Variants in DISC1 observed in about 807,000 individuals in gnomAD.
DISC1 encodes the protein DISC1 scaffold protein, also known as disrupted in schizophrenia 1 protein.
DISC1 carries 57 observed loss-of-function variants against 84.5 expected under a neutral mutation model. The observed-to-expected ratio is 0.67, with a 90% confidence interval of 0.55 to 0.84. The LOEUF (loss-of-function observed/expected upper bound fraction) is 0.84. DISC1 is among the 40% of genes least tolerant of loss of function. The pLI, the probability that DISC1 is intolerant of heterozygous loss-of-function variation, is 0.00. For synonymous variants in DISC1, 411 were observed against 415.2 expected (o/e 0.99, Z 0.12); for missense variants, 1,000 against 1,057.8 (o/e 0.95, Z 0.76).
At chr1:231,721,496 G>T (rs1012519655) in intron 3 of DISC1, among the ~76,000 whole-genome samples, 1 of 152,140 alleles carries the variant, frequency 6.6e-6, no homozygotes, top group Non-Finnish European at 1.5e-5. Context: ...TGTATCAAAA[G>T]ATATAAATCT....
intron 1 of DISC1, among the ~76,000 whole-genome samples, chr1:231,633,066 G>A (rs529380236): frequency 4.8e-4 from 73 of 152,180 alleles, no homozygotes; most frequent in Admixed American, 2.7e-3. Flanking sequence ...GAGAGACTCC[G>A]TCAAAAAAAC....
chr1:231,705,291 C>CAAAA (rs35677987), intron 3 of DISC1, among the ~76,000 whole-genome samples: 27 of 10,952 alleles, frequency 2.5e-3, no homozygotes, highest in Admixed American at 8.4e-3. Flanking sequence ...GACTCCATCT[C>CAAAA]AAAAAAAAAA....
chr1:231,832,392 T>G (rs186749806), intron 9 of DISC1, among the ~76,000 whole-genome samples: 5 of 149,168 alleles, frequency 3.4e-5, no homozygotes, highest in Admixed American at 6.7e-5. Context: ...AATTCTGACC[T>G]CACTAACCAT....
intron 9 of DISC1, among the ~76,000 whole-genome samples, chr1:231,861,540 G>A (rs1404804315): frequency 6.8e-6 from 1 of 147,902 alleles, no homozygotes; most frequent in Non-Finnish European, 1.5e-5. Flanking sequence ...TTTTCTCAGA[G>A]CCTAATTATT....
At chr1:231,731,928 C>G (rs1299243387) in intron 3 of DISC1, among the ~76,000 whole-genome samples, 4 of 152,228 alleles carry the variant, frequency 2.6e-5, no homozygotes, top group African/African-American at 9.6e-5. Context: ...TTCACTGTCT[C>G]TTTCACTGTC....
intron 6 of DISC1, among the ~76,000 whole-genome samples, chr1:231,779,887 T>C (rs1226826732): frequency 2.0e-5 from 3 of 152,140 alleles, no homozygotes; most frequent in Admixed American, 1.3e-4. Context: ...TAAATTCCTG[T>C]CTTACCTGTC....
intron 4 of DISC1, among the ~76,000 whole-genome samples, chr1:231,760,080 G>A (rs1234704459): frequency 6.6e-6 from 1 of 152,130 alleles, no homozygotes; most frequent in East Asian, 1.9e-4. Context: ...TTGCCGGGTG[G>A]TCATTTCTAT....
At chr1:232,019,569 CT>C (rs548550472) in intron 11 of DISC1, among the ~76,000 whole-genome samples, 58 of 152,204 alleles carry the variant, frequency 3.8e-4, no homozygotes, top group African/African-American at 1.4e-3. Flanking sequence ...CAGGCTTTCT[CT>C]TTTTTGTCAC....
At chr1:231,774,914 G>A (rs1349854621) in intron 6 of DISC1, 1 of 370,750 alleles carries the variant, frequency 2.7e-6, no homozygotes, top group Non-Finnish European at 5.4e-6. Flanking sequence ...TTTAGAAAAT[G>A]CTGACTTAGG....
intron 6 of DISC1, among the ~76,000 whole-genome samples, chr1:231,793,015 TA>T: frequency 1.3e-5 from 2 of 152,312 alleles, no homozygotes; most frequent in Admixed American, 1.3e-4. Flanking sequence ...AAAGTAGGTC[TA>T]AAGTGGTAAT....
intron 6 of DISC1, among the ~76,000 whole-genome samples, chr1:231,794,622 A>G (rs1043627159): frequency 1.3e-5 from 2 of 152,206 alleles, no homozygotes; most frequent in African/African-American, 4.8e-5. Flanking sequence ...AGGAGTGGAC[A>G]CAACAGACAG....
At chr1:232,006,489 C>T (rs1468637293) in intron 10 of DISC1, among the ~76,000 whole-genome samples, 6 of 151,952 alleles carry the variant, frequency 3.9e-5, no homozygotes, top group Non-Finnish European at 7.4e-5. Flanking sequence ...CTAGAGATCT[C>T]GGGAACTTTG....
At chr1:232,021,356 AC>A (rs1668940384) in intron 11 of DISC1, among the ~76,000 whole-genome samples, 2 of 150,368 alleles carry the variant, frequency 1.3e-5, no homozygotes, top group Admixed American at 1.3e-4. Context: ...ACACACACAC[AC>A]ACACACACAC....
intron 9 of DISC1, among the ~76,000 whole-genome samples, chr1:231,951,137 G>T (rs1225219253): frequency 6.6e-6 from 1 of 152,154 alleles, no homozygotes; most frequent in Non-Finnish European, 1.5e-5. Context: ...CTGTTCTTTG[G>T]GTACCTTTGC....
chr1:232,025,697 C>T (rs1315806567), intron 11 of DISC1, among the ~76,000 whole-genome samples: 1 of 151,312 alleles, frequency 6.6e-6, no homozygotes, highest in Non-Finnish European at 1.5e-5. Context: ...CCTGGGTTCA[C>T]GCCATTCTCC....
intron 7 of DISC1, among the ~76,000 whole-genome samples, chr1:231,797,758 C>T (rs972764539): frequency 1.2e-4 from 19 of 152,126 alleles, no homozygotes; most frequent in African/African-American, 3.4e-4. Context: ...ATAATTACTT[C>T]GCTTTTCCAT....
chr1:231,763,378 TTTA>T (rs1303843527), intron 4 of DISC1, among the ~76,000 whole-genome samples: 2 of 152,180 alleles, frequency 1.3e-5, no homozygotes, highest in African/African-American at 2.4e-5. Context: ...AGTACTTTAT[TTTA>T]TTATTATCAG....
intron 4 of DISC1, among the ~76,000 whole-genome samples, chr1:231,763,729 G>A (rs2075960419): frequency 6.6e-6 from 1 of 152,132 alleles, no homozygotes; most frequent in South Asian, 2.1e-4. Flanking sequence ...TACCATCATT[G>A]GTCCATGCCT....
rs1670614505 is a variant in DISC1, at chr1:232,037,824, A to C, written c.*993A>C. ...ACAGTATTCAGTAAGGCAGTGAAGT[A>C]CTCAGTAATACAATACAGTACTCAG... On this transcript the variant is annotated 3_prime_UTR_variant, in exon 13 of 13. Transcript: ENST00000439617. 6.6e-6 allele frequency: 1 copy of C among 151,948 alleles called. No individual in the cohort carries two copies. The highest frequency in any genetic ancestry group is 1.5e-5 in the Non-Finnish European group (1 of 68,062). 9.4% of individuals were successfully genotyped at this position (151,948 alleles called of 1,614,324 possible).
Sources: gnomAD v4.1 joint callset for allele counts (sites outside exome capture counted in the v4.1 genomes callset) on GRCh38, gnomAD v4.1.1 for gene constraint, MANE v1.5 for transcripts, NCBI Gene and HGNC (gene_info 2026-07-23, HGNC 2026-07-21) for gene names.